Variants in MFSD2B observed in about 807,000 individuals in gnomAD.
MFSD2B encodes the protein MFSD2 lysolipid transporter B, sphingolipid.
MFSD2B carries 56 observed loss-of-function variants against 58.4 expected under a neutral mutation model. The ratio of observed to expected loss-of-function variants is 0.96; its 90% confidence interval spans 0.77 to 1.20. The LOEUF (loss-of-function observed/expected upper bound fraction) is 1.20. Ranked by LOEUF, MFSD2B falls within the 50% of genes most tolerant of loss-of-function variation. The pLI, the probability that MFSD2B is intolerant of heterozygous loss-of-function variation, is 0.00. For missense variants in MFSD2B, 645 were observed against 667.6 expected (o/e 0.97, Z 0.37); for synonymous variants, 287 against 294.4 (o/e 0.97, Z 0.26).
In MFSD2B at chr2:24,025,358, C is replaced by T. The variant is rs868228095; in HGVS notation, c.1491-74C>T. 2.3e-5 allele frequency: 33 copies of T among 1,407,736 alleles called. No individual in the cohort carries two copies. The African/African-American group carries it at 2.7e-4, about 11-fold the overall frequency. The allele number at this position is 1,407,736 out of a possible 1,614,324, so 87.2% of individuals were successfully genotyped here. A position where few individuals can be genotyped will look rare whatever the true frequency, so the allele number is the denominator to read the frequency against. On this transcript the variant is annotated intron_variant, in intron 13 of 13. Transcript: ENST00000338315. ...GACAAGGAGCAGCCACCAAACCTTC[C>T]GCGGGCTTCTGCGGCAGGACAGAGG...
intron 3 of MFSD2B, 41 bp downstream of exon 3, chr2:24,016,321 C>CTGGCCT: frequency 6.3e-7 from 1 of 1,595,670 alleles, no homozygotes; most frequent in Non-Finnish European, 8.5e-7. Flanking sequence ...GCACCTGGTC[C>CTGGCCT]TGGCCCTGAG....
rs780243243 is a variant in MFSD2B at position 24,016,956 on chromosome 2, G to C, written c.459G>C (p.Gln153His). Reference sequence around the variant, plus strand: ...ACACGACTTTCTACTGCCTGTTCCAGGCCCTGGCCACGGTAAGCAGGGCCC... The same window carrying C: ...ACACGACTTTCTACTGCCTGTTCCACGCCCTGGCCACGGTAAGCAGGGCCC... ...LWYTTFYCLF[Q>H]ALATFFQVPY... Residue 153 changes from glutamine to histidine, a missense_variant, in exon 4 of 14, where the codon CAG becomes CAC. Coordinates refer to ENST00000338315, the MANE Select transcript of MFSD2B (RefSeq NM_001346880.2). 6.2e-7 allele frequency: 1 copy of C among 1,613,800 alleles called. No individual in the cohort carries two copies. The highest frequency in any genetic ancestry group is 2.2e-5 in the East Asian group (1 of 44,860).
In MFSD2B at chr2:24,021,779, G is replaced by C; in HGVS notation, c.772+41G>C. The stretch of plus-strand genomic sequence containing the variant: ...AGGAGGGAAGCAGAAGCTGGGGGCA[G>C]GGCTCTGCTTGGGGGCAGGTTTTGC... On this transcript the variant is annotated intron_variant, in intron 7 of 13. Coordinates refer to ENST00000338315, the MANE Select transcript of MFSD2B (RefSeq NM_001346880.2). The surrounding 1 kb of genome is among the most constrained non-coding windows in gnomAD (Gnocchi z 5.7). The C allele has an allele frequency of 6.2e-7, 1 of 1,612,716 alleles. No homozygotes were observed. Among genetic ancestry groups the C allele is most frequent in the Non-Finnish European group, 8.5e-7 (1 of 1,179,194 alleles).
chr2:24,020,357 C>G lies in MFSD2B; in HGVS notation c.682-1291C>G, dbSNP rs1180346717. Among the ~76,000 whole-genome samples the G allele has an allele frequency of 6.6e-6, 1 of 152,156 alleles. No individual in the cohort carries two copies. Among genetic ancestry groups the G allele is most frequent in the Non-Finnish European group, 1.5e-5 (1 of 68,012 alleles). On this transcript the variant is annotated intron_variant, in intron 6 of 13. Coordinates refer to ENST00000338315, the MANE Select transcript of MFSD2B (RefSeq NM_001346880.2). This position sits in a 1 kb window ranked among gnomAD's most constrained non-coding sequence, Gnocchi z 4.1. ...GAATCTCAAGACAGCAACAGCAGAG[C>G]ATTGAACCCCAGAGGCAGTGCCCTC...
chr2:24,016,810 C>CG (rs976857310), intron 3 of MFSD2B, 35 bp from the exon 4 acceptor site: 11 of 1,608,390 alleles, frequency 6.8e-6, no homozygotes, highest in African/African-American at 6.7e-5. Flanking sequence ...CTGTCTGGGT[C>CG]GGGGGGCCGC....
rs1287005965 is a variant in MFSD2B, at chr2:24,023,314, C to A, written c.1169+75C>A. 2.2e-5 allele frequency: 27 copies of A among 1,232,516 alleles called. No individual in the cohort carries two copies. The highest frequency in any genetic ancestry group is 3.1e-5 in the Non-Finnish European group (26 of 845,804). 76.3% of individuals were successfully genotyped at this position (1,232,516 alleles called of 1,614,324 possible). ...CTTCATGTAAACCTGCCGTCCCAGG[C>A]CCCCTGCACCCAGCCTGTGCAGGAG... On this transcript the variant is annotated intron_variant, in intron 11 of 13. Coordinates refer to ENST00000338315, the MANE Select transcript of MFSD2B (RefSeq NM_001346880.2). The surrounding 1 kb of genome is among the most constrained non-coding windows in gnomAD (Gnocchi z 5.0).
chr2:24,017,196 G>A lies in MFSD2B; in HGVS notation c.472-90G>A. The A allele has an allele frequency of 1.4e-6, 2 of 1,389,696 alleles. No individual in the cohort carries two copies. Among genetic ancestry groups the A allele is most frequent in the East Asian group, 5.0e-5 (2 of 40,046 alleles). 86.1% of individuals were successfully genotyped at this position (1,389,696 alleles called of 1,614,324 possible). ...CTGGGATATGTCACGTTGGCCTGTG[G>A]GTGTCGGGATGTGACACCCAGGATG... On this transcript the variant is annotated intron_variant, in intron 4 of 13. Coordinates refer to ENST00000338315, the MANE Select transcript of MFSD2B (RefSeq NM_001346880.2). This position sits in a 1 kb window ranked among gnomAD's most constrained non-coding sequence, Gnocchi z 4.8.
intron 1 of MFSD2B, among the ~76,000 whole-genome samples, chr2:24,010,900 G>A (rs1243270396): frequency 6.6e-6 from 1 of 152,188 alleles, no homozygotes; most frequent in Non-Finnish European, 1.5e-5. Context: ...GCACCTGGGA[G>A]CACAGGATTG....
Position 24,023,207 on chromosome 2 carries a change from C to T in MFSD2B, c.1137C>T (p.Gly379=), listed in dbSNP as rs770595175. The T allele has an allele frequency of 8.7e-6, 14 of 1,613,614 alleles. No homozygotes were observed. The East Asian group carries it at 8.9e-5, about 10-fold the overall frequency. ...PVAYVVAFVS[G]VSIAVSLLLP... ...CATATGTCGTGGCCTTTGTATCTGG[C>T]GTGAGCATTGCTGTGTCCTTGCTGC... The change falls in exon 11 of 14, where the codon GGC becomes GGT. Residue 379 remains glycine (G), a synonymous_variant. Transcript: ENST00000338315. The surrounding 1 kb of genome is among the most constrained non-coding windows in gnomAD (Gnocchi z 5.0).
chr2:24,011,334 A>T (rs907572399), intron 1 of MFSD2B, among the ~76,000 whole-genome samples: 5 of 152,230 alleles, frequency 3.3e-5, no homozygotes, highest in Admixed American at 1.3e-4. Flanking sequence ...GGGATACAAG[A>T]GTCCCCATTA....
Position 24,022,333 on chromosome 2 carries a change from G to A in MFSD2B, c.895-100G>A. Reference sequence around the variant, plus strand: ...CTGTATGATGGTAGCAGCAAGCCAAGGTCCCAATGGAGATGCCAGACTCCA... The same window carrying A: ...CTGTATGATGGTAGCAGCAAGCCAAAGTCCCAATGGAGATGCCAGACTCCA... On this transcript the variant is annotated intron_variant, in intron 8 of 13. Transcript: ENST00000338315. The surrounding 1 kb of genome is among the most constrained non-coding windows in gnomAD (Gnocchi z 4.5). The A allele has an allele frequency of 1.1e-6, 1 of 928,014 alleles. No homozygotes were observed. The highest frequency in any genetic ancestry group is 2.1e-5 in the Admixed American group (1 of 48,306). 57.5% of individuals were successfully genotyped at this position (928,014 alleles called of 1,614,324 possible).
rs772156990 is a variant in MFSD2B at position 24,021,838 on chromosome 2, C to G, written c.773-11C>G. 1.1e-5 allele frequency: 17 copies of G among 1,613,776 alleles called. 1 individual carries two copies. The highest frequency in any genetic ancestry group is 3.3e-5 in the South Asian group (3 of 91,070). On this transcript the variant is annotated splice_polypyrimidine_tract_variant and intron_variant, in intron 7 of 13. Transcript: ENST00000338315. This position sits in a 1 kb window ranked among gnomAD's most constrained non-coding sequence, Gnocchi z 5.7. ...TCTGCGAAGCCAAGGTGACACGCTT[C>G]TGCGTTGCAGACCCCTCTGCCCCAG...
At position 24,016,946 on chromosome 2, in the gene MFSD2B, G is replaced by C; in HGVS notation, c.449G>C (p.Cys150Ser). Residue 150 changes from cysteine to serine, a missense_variant, in exon 4 of 14, where the codon TGC becomes TCC. Physicochemically the swap from Cys to Ser is moderately radical, Grantham distance 112. Transcript: ENST00000338315. ...GGCCTCTGGTACACGACTTTCTACT[G>C]CCTGTTCCAGGCCCTGGCCACGGTA... ...LRGLWYTTFY[C>S]LFQALATFFQ... 1 of 1,613,818 alleles carries C rather than the reference G, an allele frequency of 6.2e-7. No homozygotes were observed.
In MFSD2B at chr2:24,022,723, G is replaced by C. The variant is rs1367207472; in HGVS notation, c.979-99G>C. 2 of 979,418 alleles carry C rather than the reference G, an allele frequency of 2.0e-6. No individual in the cohort carries two copies. Among genetic ancestry groups the C allele is most frequent in the Admixed American group, 5.7e-5 (2 of 35,012 alleles). The allele number at this position is 979,418 out of a possible 1,614,324, so 60.7% of individuals were successfully genotyped here. ...AGCCACCGGTTTGAACCAGGGGCAAGGCCAAGGTCAGGCATCCAATCTAAA... is the reference window on the plus strand; with the variant it reads ...AGCCACCGGTTTGAACCAGGGGCAACGCCAAGGTCAGGCATCCAATCTAAA... On this transcript the variant is annotated intron_variant, in intron 9 of 13. Transcript: ENST00000338315. This position sits in a 1 kb window ranked among gnomAD's most constrained non-coding sequence, Gnocchi z 4.5.
chr2:24,015,908 C>T (rs1339522015), intron 2 of MFSD2B, among the ~76,000 whole-genome samples: 1 of 152,222 alleles, frequency 6.6e-6, no homozygotes, highest in East Asian at 1.9e-4. Flanking sequence ...CAGATGAGGG[C>T]CCTGGAGTCC....
At chr2:24,016,017 A>C in intron 2 of MFSD2B, 139 bp from the exon 3 acceptor site, 1 of 1,031,926 alleles carries the variant, frequency 9.7e-7, no homozygotes. Context: ...ATCCTGGGGA[A>C]GGCTGAGGAG....
Position 24,024,111 on chromosome 2 carries a change from G to T in MFSD2B, c.1330G>T (p.Ala444Ser). ...TLSLEFSGYK[A>S]GVCKQAEEVV... ...TTTCTCCAGGTTCTCGGGGTATAAGGCAGGGGTCTGCAAGCAAGCAGAGGA... is the reference window on the plus strand; with the variant it reads ...TTTCTCCAGGTTCTCGGGGTATAAGTCAGGGGTCTGCAAGCAAGCAGAGGA... The change falls in exon 13 of 14, where the codon GCA (alanine) becomes TCA (serine). Residue 444 changes from alanine (A) to serine (S), a missense_variant. Physicochemically the swap from Ala to Ser is moderately conservative, Grantham distance 99. Coordinates refer to ENST00000338315, the MANE Select transcript of MFSD2B (RefSeq NM_001346880.2). This position sits in a 1 kb window ranked among gnomAD's most constrained non-coding sequence, Gnocchi z 4.3. 1 of 1,613,828 alleles carries T rather than the reference G, an allele frequency of 6.2e-7. No homozygotes were observed. The highest frequency in any genetic ancestry group is 8.5e-7 in the Non-Finnish European group (1 of 1,179,824).
chr2:24,017,042 G>C lies in MFSD2B; in HGVS notation c.471+74G>C. On this transcript the variant is annotated intron_variant, in intron 4 of 13. Transcript: ENST00000338315. The surrounding 1 kb of genome is among the most constrained non-coding windows in gnomAD (Gnocchi z 4.8). ...GGCCATGGCCACTCTGAAGTGTGCTGTGGGGGCAGGGCTGCCGCCCTCCCC... is the reference window on the plus strand; with the variant it reads ...GGCCATGGCCACTCTGAAGTGTGCTCTGGGGGCAGGGCTGCCGCCCTCCCC... 6.3e-7 allele frequency: 1 copy of C among 1,575,808 alleles called. No homozygotes were observed.
intron 1 of MFSD2B, 81 bp from the exon 2 acceptor site, chr2:24,013,204 G>A: frequency 1.4e-6 from 2 of 1,400,326 alleles, no homozygotes; most frequent in Admixed American, 2.1e-5. Context: ...CAGAGACTCA[G>A]GATGTTTACT....
Sources: gnomAD v4.1 joint callset for allele counts (sites outside exome capture counted in the v4.1 genomes callset) on GRCh38, gnomAD v4.1.1 for gene constraint, Gnocchi (gnomAD v3.1) non-coding constraint, MANE v1.5 for transcripts, NCBI Gene and HGNC (gene_info 2026-07-23, HGNC 2026-07-21) for gene names.